CNOT6: variants seen among roughly 807,000 people sequenced by gnomAD.
CNOT6 encodes CCR4-NOT transcription complex subunit 6.
CNOT6 carries 12 observed loss-of-function variants against 61.2 expected under a neutral mutation model. That is an observed-to-expected ratio of 0.20 (90% CI 0.13 to 0.32). The LOEUF (loss-of-function observed/expected upper bound fraction) is 0.32, where lower values mean the gene tolerates loss of function less well. Among genes scored for constraint, CNOT6 ranks in the 10% least tolerant of loss-of-function variants. The probability of loss-of-function intolerance (pLI) is 1.00; values close to 1 mark genes in which losing one functional copy is unlikely to be tolerated. For missense variants in CNOT6, 405 were observed against 663.9 expected, an observed-to-expected ratio of 0.61 and a Z score of 4.28; for synonymous variants, 225 against 240.6, an observed-to-expected ratio of 0.94 and a Z score of 0.60.
At chr5:180,560,231 C>A (rs1476664283) in intron 4 of CNOT6, among the ~76,000 whole-genome samples, 2 of 152,098 alleles carry the variant, frequency 1.3e-5, no homozygotes, top group Admixed American at 6.6e-5. Context: ...AGGTGTGAGC[C>A]ACCGTATTGG....
At chr5:180,554,525 T>A (rs1035896567) in intron 4 of CNOT6, among the ~76,000 whole-genome samples, 14 of 152,064 alleles carry the variant, frequency 9.2e-5, no homozygotes, top group Middle Eastern at 3.4e-3. Context: ...CAGTTTTTTT[T>A]AAATAAATAG....
chr5:180,511,563 A>G (rs1389912837), intron 1 of CNOT6, among the ~76,000 whole-genome samples: 1 of 151,418 alleles, frequency 6.6e-6, no homozygotes. Context: ...GTGAGCCGAG[A>G]TCACACCACT....
chr5:180,530,070 A>T (rs1758282417), intron 2 of CNOT6, among the ~76,000 whole-genome samples: 1 of 152,224 alleles, frequency 6.6e-6, no homozygotes, highest in South Asian at 2.1e-4. Flanking sequence ...TTCTCAGGGC[A>T]ACCAGTGCTA....
intron 1 of CNOT6, among the ~76,000 whole-genome samples, chr5:180,512,017 C>T (rs564366559): frequency 6.6e-6 from 1 of 152,194 alleles, no homozygotes; most frequent in Admixed American, 6.5e-5. Flanking sequence ...TTTGTAGTTT[C>T]ATTCAGCTGT....
chr5:180,549,472 A>C (rs142404570), intron 2 of CNOT6, among the ~76,000 whole-genome samples: 7 of 151,924 alleles, frequency 4.6e-5, no homozygotes, highest in Non-Finnish European at 7.4e-5. Context: ...ACACCGTGAA[A>C]CCCCGTCTCT....
chr5:180,494,931 G>C (rs1165818718), intron 1 of CNOT6, among the ~76,000 whole-genome samples, 168 bp downstream of exon 1: 1 of 151,720 alleles, frequency 6.6e-6, no homozygotes, highest in Non-Finnish European at 1.5e-5. Context: ...GACGCGCCGC[G>C]ATCGCGCCCC....
At chr5:180,549,649 A>G (rs77589176) in intron 2 of CNOT6, among the ~76,000 whole-genome samples, 1 of 144,552 alleles carries the variant, frequency 6.9e-6, no homozygotes, top group African/African-American at 2.6e-5. Flanking sequence ...ACTCCGTTTC[A>G]AAAAAAAAAA....
Position 180,529,267 on chromosome 5 carries a change from C to G in CNOT6, c.-2-8C>G. On this transcript the variant is annotated splice_polypyrimidine_tract_variant and splice_region_variant and intron_variant, in intron 1 of 11. Transcript: ENST00000261951. Reference sequence around the variant, plus strand: ...TTTAGAATACTGATTGGTTTCTTTTCTTAACAGGCATGCCCAAAGAAAAAT... The same window carrying G: ...TTTAGAATACTGATTGGTTTCTTTTGTTAACAGGCATGCCCAAAGAAAAAT... The G allele has an allele frequency of 7.1e-7, 1 of 1,412,366 alleles. No individual in the cohort carries two copies. The highest frequency in any genetic ancestry group is 9.9e-7 in the Non-Finnish European group (1 of 1,014,004). 87.5% of individuals were successfully genotyped at this position (1,412,366 alleles called of 1,614,324 possible). A position where few individuals can be genotyped will look rare whatever the true frequency, so the allele number is the denominator to read the frequency against.
intron 1 of CNOT6, among the ~76,000 whole-genome samples, chr5:180,513,498 T>TA (rs1757492641): frequency 6.6e-6 from 1 of 151,102 alleles, no homozygotes; most frequent in Admixed American, 6.6e-5. Context: ...TCCCTACTCT[T>TA]AGAGTAGCTG....
chr5:180,520,061 T>G (rs140413746), intron 1 of CNOT6, among the ~76,000 whole-genome samples: 2,681 of 152,192 alleles, frequency 0.018, 71 homozygotes, highest in African/African-American at 0.06. Context: ...CTTGAACTCC[T>G]GACCTCAAGT....
chr5:180,510,464 G>C (rs776306360), intron 1 of CNOT6, among the ~76,000 whole-genome samples: 1 of 152,056 alleles, frequency 6.6e-6, no homozygotes, highest in Non-Finnish European at 1.5e-5. Flanking sequence ...TGTGACTATC[G>C]TCTAATGGAA....
In CNOT6 at chr5:180,521,961, C is replaced by G. The variant is rs897619831; in HGVS notation, c.-2-7314C>G. 7.2e-5 allele frequency among the ~76,000 whole-genome samples: 11 copies of G among 152,242 alleles called. No individual in the cohort carries two copies. In the East Asian group the frequency reaches 2.1e-3, roughly 29 times the overall value. On this transcript the variant is annotated intron_variant, in intron 1 of 11. Coordinates refer to ENST00000261951, the MANE Select transcript of CNOT6 (RefSeq NM_001370472.1). ...ACTGTTGATGGCAGCTAGGTTGATT[C>G]CATGTTTTTGCTATTGTGAATAGTG...
intron 11 of CNOT6, among the ~76,000 whole-genome samples, chr5:180,572,715 C>CT (rs35597068): frequency 0.27 from 40,644 of 148,712 alleles, 6,025 homozygotes; most frequent in Middle Eastern, 0.41. Flanking sequence ...ATACCCAGAT[C>CT]TTTTTTTTTT....
intron 1 of CNOT6, among the ~76,000 whole-genome samples, chr5:180,502,617 T>TAACTTAATAACAGC (rs1377411835): frequency 5.9e-5 from 9 of 152,214 alleles, no homozygotes; most frequent in African/African-American, 2.2e-4. Context: ...TACAAACACA[T>TAACTTAATAACAGC]AGAGACTTAA....
At chr5:180,527,931 T>C (rs1179416566) in intron 1 of CNOT6, among the ~76,000 whole-genome samples, 1 of 152,182 alleles carries the variant, frequency 6.6e-6, no homozygotes, top group Non-Finnish European at 1.5e-5. Context: ...GGACCTAGGC[T>C]GTGCGTTCCT....
In CNOT6 at chr5:180,529,617, A is replaced by G. The variant is rs572583669; in HGVS notation, c.112+229A>G. Among the ~76,000 whole-genome samples the G allele has an allele frequency of 7.2e-4, 110 of 152,370 alleles. No homozygotes were observed. In the South Asian group the frequency reaches 8.3e-3, roughly 11 times the overall value. ...ATTCATTGAATATTTTCTCAGTATC[A>G]GTGTCCTCTTACAAAATACATAAAT... On this transcript the variant is annotated intron_variant, in intron 2 of 11. Transcript: ENST00000261951.
intron 2 of CNOT6, among the ~76,000 whole-genome samples, chr5:180,548,940 T>G (rs1380797174): frequency 6.6e-6 from 1 of 152,260 alleles, no homozygotes; most frequent in Non-Finnish European, 1.5e-5. Flanking sequence ...ATTGACAATT[T>G]ATCAAGAAGT....
chr5:180,555,144 T>A (rs1759819133), intron 4 of CNOT6, among the ~76,000 whole-genome samples: 2 of 151,948 alleles, frequency 1.3e-5, no homozygotes, highest in African/African-American at 4.8e-5. Context: ...GTAGCTGAGA[T>A]TACAGGTACC....
At chr5:180,496,810 T>C (rs1244260351) in intron 1 of CNOT6, among the ~76,000 whole-genome samples, 1 of 152,220 alleles carries the variant, frequency 6.6e-6, no homozygotes. Context: ...GTAATTTCCA[T>C]AGTGTCTTGA....
Sources: gnomAD v4.1 joint callset for allele counts (sites outside exome capture counted in the v4.1 genomes callset) on GRCh38, gnomAD v4.1.1 for gene constraint, MANE v1.5 for transcripts, NCBI Gene and HGNC (gene_info 2026-07-23, HGNC 2026-07-21) for gene names.